The following MYRIP variants were observed in gnomAD, a reference collection of about 807,000 sequenced individuals.
MYRIP encodes the protein myosin VIIA and Rab interacting protein, also known as rab effector MyRIP.
MYRIP carries 49 observed loss-of-function variants against 98.0 expected under a neutral mutation model. The observed-to-expected ratio is 0.50, with a 90% CI of 0.40 to 0.63. MYRIP has a LOEUF of 0.63. Among genes scored for constraint, MYRIP ranks in the 30% least tolerant of loss-of-function variants. MYRIP has a pLI of 0.00. For missense variants in MYRIP, 1,004 were observed against 1,058.2 expected (o/e 0.95, Z 0.71); for synonymous variants, 404 against 409.5 (o/e 0.99, Z 0.16).
intron 1 of MYRIP, among the ~76,000 whole-genome samples, chr3:39,852,064 A>ATG (rs1196410938): frequency 6.6e-6 from 1 of 152,154 alleles, no homozygotes; most frequent in African/African-American, 2.4e-5. Flanking sequence ...TTTAGCCCAC[A>ATG]TGTGCTATGA....
intron 3 of MYRIP, among the ~76,000 whole-genome samples, chr3:40,114,030 T>C (rs1184062498): frequency 1.3e-5 from 2 of 152,152 alleles, no homozygotes; most frequent in African/African-American, 4.8e-5. Flanking sequence ...GCAGCCTTTC[T>C]AGGAAACACA....
chr3:39,829,620 T>G (rs1212386069), intron 1 of MYRIP, among the ~76,000 whole-genome samples: 1 of 152,166 alleles, frequency 6.6e-6, no homozygotes, highest in Non-Finnish European at 1.5e-5. Flanking sequence ...ACATCGTGTG[T>G]TGGCTAACTT....
intron 11 of MYRIP, among the ~76,000 whole-genome samples, chr3:40,213,632 A>C (rs1952030158): frequency 6.6e-6 from 1 of 152,004 alleles, no homozygotes; most frequent in Non-Finnish European, 1.5e-5. Context: ...ACACACAGAC[A>C]CACACACACA....
chr3:40,082,136 C>T (rs1484464678), intron 3 of MYRIP, among the ~76,000 whole-genome samples: 2 of 152,152 alleles, frequency 1.3e-5, no homozygotes, highest in Non-Finnish European at 2.9e-5. Flanking sequence ...AACCCTTGTA[C>T]ACTGTTGTTG....
intron 1 of MYRIP, among the ~76,000 whole-genome samples, chr3:39,833,124 G>A (rs1259808430): frequency 3.3e-5 from 5 of 152,096 alleles, no homozygotes. Flanking sequence ...GAAAAAAGAA[G>A]CATGCTTCTG....
chr3:40,256,574 CTAGAT>C (rs1168538004), intron 16 of MYRIP, among the ~76,000 whole-genome samples: 1 of 150,712 alleles, frequency 6.6e-6, no homozygotes. Context: ...AAACTGCAAA[CTAGAT>C]TATATAAAAG....
chr3:39,882,618 AT>A (rs1196011851), intron 1 of MYRIP, among the ~76,000 whole-genome samples: 1 of 152,130 alleles, frequency 6.6e-6, no homozygotes, highest in African/African-American at 2.4e-5. Context: ...GTTAAGCTGG[AT>A]GATCTTGGGC....
chr3:39,820,875 C>T (rs975143140), intron 1 of MYRIP, among the ~76,000 whole-genome samples: 1 of 152,138 alleles, frequency 6.6e-6, no homozygotes, highest in Non-Finnish European at 1.5e-5. Flanking sequence ...AGGTCTGAAT[C>T]CTTCCTTTTG....
At position 40,040,996 on chromosome 3, in the gene MYRIP, A is replaced by G. The variant is rs866073427; in HGVS notation, c.111-3054A>G. ...TAGAGTATAATAAAAAAAAAAAAGA[A>G]AAAAAAAAAGAAAATATTACCAGCA... On this transcript the variant is annotated intron_variant, in intron 2 of 16. Coordinates refer to ENST00000302541, the MANE Select transcript of MYRIP (RefSeq NM_015460.4). Among the ~76,000 whole-genome samples the G allele has an allele frequency of 2.0e-3, 261 of 128,328 alleles. 4 individuals carry two copies. The highest frequency in any genetic ancestry group is 7.8e-3 in the African/African-American group (253 of 32,562). 84.2% of individuals were successfully genotyped at this position (128,328 alleles called of 152,430 possible). A position where few individuals can be genotyped will look rare whatever the true frequency, so the allele number is the denominator to read the frequency against.
At chr3:39,922,436 T>C (rs1944326965) in intron 2 of MYRIP, among the ~76,000 whole-genome samples, 1 of 152,196 alleles carries the variant, frequency 6.6e-6, no homozygotes, top group East Asian at 1.9e-4. Flanking sequence ...GTGGTGTAAG[T>C]GGGGCCACTT....
intron 4 of MYRIP, among the ~76,000 whole-genome samples, chr3:40,159,302 T>C (rs1464366530): frequency 6.6e-6 from 1 of 152,134 alleles, no homozygotes; most frequent in East Asian, 1.9e-4. Context: ...TTCTTTTCTT[T>C]AAGAATGTTG....
intron 10 of MYRIP, among the ~76,000 whole-genome samples, chr3:40,200,690 G>T (rs952831720): frequency 1.8e-4 from 27 of 152,138 alleles, no homozygotes; most frequent in African/African-American, 4.8e-5. Context: ...TATTCCATAT[G>T]GCAGGGACCC....
intron 2 of MYRIP, among the ~76,000 whole-genome samples, chr3:39,983,594 G>T (rs1041345221): frequency 6.6e-6 from 1 of 152,144 alleles, no homozygotes; most frequent in African/African-American, 2.4e-5. Flanking sequence ...TCCCAGGGGA[G>T]GGCTGGGGGT....
intron 2 of MYRIP, among the ~76,000 whole-genome samples, chr3:39,928,757 C>T (rs1944473531): frequency 6.6e-6 from 1 of 151,938 alleles, no homozygotes; most frequent in South Asian, 2.1e-4. Flanking sequence ...AATGCTTCCC[C>T]CTTAAAATCA....
intron 2 of MYRIP, among the ~76,000 whole-genome samples, chr3:40,043,137 T>A (rs1395205128): frequency 6.6e-6 from 1 of 152,230 alleles, no homozygotes; most frequent in East Asian, 1.9e-4. Flanking sequence ...TGTGTTTTTC[T>A]ATTATAATGA....
intron 2 of MYRIP, among the ~76,000 whole-genome samples, chr3:39,998,934 C>A (rs1322364671): frequency 6.6e-6 from 1 of 152,154 alleles, no homozygotes; most frequent in African/African-American, 2.4e-5. Flanking sequence ...GGAAAGGATT[C>A]CCTCTTTAAT....
intron 3 of MYRIP, among the ~76,000 whole-genome samples, chr3:40,088,113 A>C (rs1948666127): frequency 6.6e-6 from 1 of 152,178 alleles, no homozygotes; most frequent in Non-Finnish European, 1.5e-5. Context: ...GCCAATAAGC[A>C]GTGATGCTGT....
intron 8 of MYRIP, among the ~76,000 whole-genome samples, chr3:40,172,103 G>T (rs1198572972): frequency 3.9e-5 from 6 of 152,248 alleles, no homozygotes; most frequent in African/African-American, 1.4e-4. Context: ...TCAAGACAAG[G>T]TTGGGGTGGG....
intron 2 of MYRIP, among the ~76,000 whole-genome samples, chr3:39,981,273 A>T (rs1332709077): frequency 6.6e-6 from 1 of 152,200 alleles, no homozygotes; most frequent in Non-Finnish European, 1.5e-5. Flanking sequence ...ACACAAAAAC[A>T]TTGCCAAATA....
Sources: gnomAD v4.1 joint callset for allele counts (sites outside exome capture counted in the v4.1 genomes callset) on GRCh38, gnomAD v4.1.1 for gene constraint, MANE v1.5 for transcripts, NCBI Gene and HGNC (gene_info 2026-07-23, HGNC 2026-07-21) for gene names.